CLYBL: variants seen among roughly 807,000 people sequenced by gnomAD.
CLYBL encodes citramalyl-CoA lyase, mitochondrial.
Under a neutral mutation model 38.9 loss-of-function variants are expected in CLYBL, and 31 were observed. The observed-to-expected ratio is 0.80, with a 90% CI of 0.60 to 1.08. The LOEUF (loss-of-function observed/expected upper bound fraction) is 1.08, where lower values mean the gene tolerates loss of function less well. Ranked by LOEUF, CLYBL falls within the 50% of genes least tolerant of loss-of-function variation. CLYBL has a pLI of 0.00. For missense variants in CLYBL, 434 were observed against 411.6 expected, an observed-to-expected ratio of 1.05 and a Z score of -0.47; for synonymous variants, 171 against 158.6, an observed-to-expected ratio of 1.08 and a Z score of -0.59.
chr13:99,735,899 CT>C (rs1223843171), intron 1 of CLYBL, among the ~76,000 whole-genome samples: 5 of 152,188 alleles, frequency 3.3e-5, no homozygotes, highest in Admixed American at 6.5e-5. Context: ...CTAAATCATG[CT>C]TCTCATCGAT....
intron 1 of CLYBL, among the ~76,000 whole-genome samples, chr13:99,639,419 C>T (rs1310509838): frequency 6.6e-6 from 1 of 152,190 alleles, no homozygotes; most frequent in Admixed American, 6.5e-5. Flanking sequence ...GTAACCATAA[C>T]AATAAATCCT....
intron 2 of CLYBL, among the ~76,000 whole-genome samples, chr13:99,802,851 T>C (rs1450951970): frequency 6.6e-6 from 1 of 152,224 alleles, no homozygotes; most frequent in Non-Finnish European, 1.5e-5. Flanking sequence ...CTACATGTGC[T>C]ATATGTACTT....
chr13:99,798,754 A>T (rs2050071135), intron 2 of CLYBL, among the ~76,000 whole-genome samples: 2 of 152,220 alleles, frequency 1.3e-5, no homozygotes, highest in African/African-American at 4.8e-5. Context: ...AAGAAATGTT[A>T]TATATTTATT....
At chr13:99,607,810 C>T (rs1003371415) in intron 1 of CLYBL, among the ~76,000 whole-genome samples, 4 of 151,978 alleles carry the variant, frequency 2.6e-5, no homozygotes, top group Non-Finnish European at 5.9e-5. Flanking sequence ...GTGGTGTAAT[C>T]TCGGCTTACT....
intron 1 of CLYBL, among the ~76,000 whole-genome samples, chr13:99,677,029 T>C (rs1168679151): frequency 6.6e-6 from 1 of 152,164 alleles, no homozygotes; most frequent in Non-Finnish European, 1.5e-5. Flanking sequence ...ATTGTCCCCT[T>C]TTTTTCCCAG....
intron 7 of CLYBL, among the ~76,000 whole-genome samples, chr13:99,872,128 C>T (rs1201331943): frequency 6.6e-6 from 1 of 152,098 alleles, no homozygotes; most frequent in African/African-American, 2.4e-5. Context: ...CCAAAGTGGG[C>T]AACAATATTA....
intron 1 of CLYBL, among the ~76,000 whole-genome samples, chr13:99,637,515 C>T (rs1391283729): frequency 6.6e-6 from 1 of 152,156 alleles, no homozygotes; most frequent in East Asian, 1.9e-4. Flanking sequence ...AATCCTAACA[C>T]TTTGGGAGGC....
chr13:99,670,489 A>G (rs1284479339), intron 1 of CLYBL, among the ~76,000 whole-genome samples: 1 of 152,150 alleles, frequency 6.6e-6, no homozygotes, highest in African/African-American at 2.4e-5. Context: ...ACTTACCTGC[A>G]GTTTCTAGAC....
At chr13:99,827,756 G>C (rs2139059691) in intron 2 of CLYBL, among the ~76,000 whole-genome samples, 1 of 152,356 alleles carries the variant, frequency 6.6e-6, no homozygotes, top group South Asian at 2.1e-4. Flanking sequence ...GCAAGGCTCA[G>C]ACTCTCGCTT....
At chr13:99,787,840 G>C in intron 2 of CLYBL, among the ~76,000 whole-genome samples, 1 of 152,198 alleles carries the variant, frequency 6.6e-6, no homozygotes, top group African/African-American at 2.4e-5. Context: ...AGCATGGAAT[G>C]TTCTTCCATT....
chr13:99,715,880 C>T (rs2048304374), intron 1 of CLYBL, among the ~76,000 whole-genome samples: 1 of 152,112 alleles, frequency 6.6e-6, no homozygotes, highest in Admixed American at 6.5e-5. Context: ...GTTAACATCT[C>T]TTATAAGGGA....
At chr13:99,763,577 A>G (rs1476091995) in intron 1 of CLYBL, among the ~76,000 whole-genome samples, 1 of 137,044 alleles carries the variant, frequency 7.3e-6, no homozygotes, top group African/African-American at 2.8e-5. Flanking sequence ...TTTACTAGAC[A>G]GAGTCTTGCT....
chr13:99,644,244 A>C (rs2047143250), intron 1 of CLYBL, among the ~76,000 whole-genome samples: 1 of 151,982 alleles, frequency 6.6e-6, no homozygotes, highest in Non-Finnish European at 1.5e-5. Flanking sequence ...GTATGTATGT[A>C]TATGTGGTGT....
intron 1 of CLYBL, among the ~76,000 whole-genome samples, chr13:99,753,404 A>C (rs1440525602): frequency 6.6e-6 from 1 of 152,110 alleles, no homozygotes; most frequent in Non-Finnish European, 1.5e-5. Flanking sequence ...GTCGGGAGTA[A>C]GGTGGTGGTG....
intron 2 of CLYBL, among the ~76,000 whole-genome samples, chr13:99,805,465 A>G (rs1484521892): frequency 6.6e-6 from 1 of 152,102 alleles, no homozygotes; most frequent in African/African-American, 2.4e-5. Flanking sequence ...GGATAAAAAC[A>G]AGAAGTGAAG....
At chr13:99,712,980 A>T (rs1006826817) in intron 1 of CLYBL, among the ~76,000 whole-genome samples, 6 of 152,168 alleles carry the variant, frequency 3.9e-5, no homozygotes, top group African/African-American at 1.4e-4. Context: ...TGAAAGTTAA[A>T]TGTTTTTGAG....
At chr13:99,744,077 A>G (rs1408194528) in intron 1 of CLYBL, among the ~76,000 whole-genome samples, 1 of 144,504 alleles carries the variant, frequency 6.9e-6, no homozygotes, top group Non-Finnish European at 1.5e-5. Flanking sequence ...GGTTCACAGC[A>G]TTCTCCTGCC....
intron 1 of CLYBL, among the ~76,000 whole-genome samples, chr13:99,735,671 A>G (rs924007044): frequency 2.6e-5 from 4 of 152,172 alleles, no homozygotes; most frequent in African/African-American, 4.8e-5. Context: ...AATAAAATAA[A>G]CCTGTGTTTC....
At chr13:99,838,350 C>G (rs1231332760) in intron 2 of CLYBL, among the ~76,000 whole-genome samples, 1 of 152,112 alleles carries the variant, frequency 6.6e-6, no homozygotes, top group Admixed American at 6.5e-5. Context: ...GAGGGGGGTT[C>G]TTTCGAGATA....
Sources: gnomAD v4.1 joint callset for allele counts (sites outside exome capture counted in the v4.1 genomes callset) on GRCh38, gnomAD v4.1.1 for gene constraint, MANE v1.5 for transcripts, NCBI Gene and HGNC (gene_info 2026-07-23, HGNC 2026-07-21) for gene names.